The following TNRC6C variants were observed in gnomAD, a reference collection of about 807,000 sequenced individuals.
The protein encoded by TNRC6C is trinucleotide repeat-containing gene 6C protein.
TNRC6C carries 20 observed loss-of-function variants against 153.7 expected under a neutral mutation model. The observed-to-expected ratio is 0.13, with a 90% CI of 0.09 to 0.19. The LOEUF is 0.19. TNRC6C is among the 10% of genes least tolerant of loss of function. The pLI is 1.00. For missense variants in TNRC6C, 1,987 were observed against 2,172.0 expected, an observed-to-expected ratio of 0.91 and a Z score of 1.69; for synonymous variants, 811 against 841.4, an observed-to-expected ratio of 0.96 and a Z score of 0.63.
rs1307214084 is a variant in TNRC6C at position 78,083,030 on chromosome 17, T to C, written c.3358-17T>C. On this transcript the variant is annotated splice_polypyrimidine_tract_variant and intron_variant, in intron 10 of 19. Coordinates refer to ENST00000301624, the Ensembl canonical transcript of TNRC6C. ...AACAGAGATACAACGGCTAATAGTATATTTTATGTTAAACAGGTTCAAGCA... is the reference window on the plus strand; with the variant it reads ...AACAGAGATACAACGGCTAATAGTACATTTTATGTTAAACAGGTTCAAGCA... 1.2e-6 allele frequency: 2 copies of C among 1,613,352 alleles called. No homozygotes were observed. Among genetic ancestry groups the C allele is most frequent in the Admixed American group, 3.3e-5 (2 of 59,998 alleles).
chr17:78,021,882 A>G, intron 1 of TNRC6C, among the ~76,000 whole-genome samples: 1 of 152,268 alleles, frequency 6.6e-6, no homozygotes. Context: ...TTTATTTATA[A>G]TTTTTTAATT....
rs1284681091 is a variant in TNRC6C at position 78,083,044 on chromosome 17, C to T, written c.3358-3C>T. 1.2e-6 allele frequency: 2 copies of T among 1,613,698 alleles called. No individual in the cohort carries two copies. Among genetic ancestry groups the T allele is most frequent in the East Asian group, 2.2e-5 (1 of 44,880 alleles). Reference sequence around the variant, plus strand: ...GGCTAATAGTATATTTTATGTTAAACAGGTTCAAGCACAGCTTTTGCAGTT... The same window carrying T: ...GGCTAATAGTATATTTTATGTTAAATAGGTTCAAGCACAGCTTTTGCAGTT... On this transcript the variant is annotated splice_polypyrimidine_tract_variant and splice_region_variant and intron_variant, in intron 10 of 19. Coordinates refer to ENST00000301624, the Ensembl canonical transcript of TNRC6C.
intron 1 of TNRC6C, 47 bp from the exon 4 acceptor site, chr17:78,031,469 G>A: frequency 8.2e-7 from 1 of 1,222,128 alleles, no homozygotes; most frequent in East Asian, 3.2e-5. Flanking sequence ...GGGTTTTAAA[G>A]GGGTCTAGCT....
exon 20 of TNRC6C, chr17:78,107,148 T>TC (rs2073713134): frequency 6.6e-6 from 1 of 152,238 alleles, no homozygotes; most frequent in Admixed American, 6.5e-5. Flanking sequence ...ACATACCACT[T>TC]CCCGTGCTGC....
chr17:78,004,052 G>A, upstream of TNRC6C: 1 of 1,207,768 alleles, frequency 8.3e-7, no homozygotes, highest in South Asian at 4.3e-5. Context: ...CTTCTCAGAG[G>A]GTCCTCCTGT....
chr17:78,039,040 T>G (rs2143823210), intron 2 of TNRC6C, among the ~76,000 whole-genome samples: 1 of 152,324 alleles, frequency 6.6e-6, no homozygotes, highest in African/African-American at 2.4e-5. Context: ...AGAGCACAGC[T>G]CTTTACTGAC....
chr17:78,044,943 C>T (rs1454453272), intron 2 of TNRC6C, among the ~76,000 whole-genome samples: 3 of 152,184 alleles, frequency 2.0e-5, no homozygotes, highest in Non-Finnish European at 4.4e-5. Context: ...AAAGAATAGA[C>T]ATTGAGCCCA....
At chr17:78,106,932 G>A (rs1226346121) in exon 20 of TNRC6C, 1 of 151,056 alleles carries the variant, frequency 6.6e-6, no homozygotes, top group Non-Finnish European at 1.5e-5. Context: ...ACAAAAGCTG[G>A]TTTTATAGAG....
At chr17:78,101,403 T>G (rs1412284490) in intron 17 of TNRC6C, among the ~76,000 whole-genome samples, 3 of 152,200 alleles carry the variant, frequency 2.0e-5, no homozygotes, top group Admixed American at 6.5e-5. Context: ...AGTTCCAAAC[T>G]TTCCCACATT....
At chr17:78,026,329 CCT>C (rs2071941311) in intron 1 of TNRC6C, among the ~76,000 whole-genome samples, 1 of 152,122 alleles carries the variant, frequency 6.6e-6, no homozygotes. Context: ...GTCAGAAGCA[CCT>C]AGACTGGCTT....
At chr17:78,073,240 G>C (rs937493796) in intron 7 of TNRC6C, 146 bp downstream of exon 9, 1 of 579,516 alleles carries the variant, frequency 1.7e-6, no homozygotes, top group Non-Finnish European at 2.9e-6. Context: ...CACACAACAA[G>C]CTGGAACCAC....
chr17:77,992,570 C>T (rs2071268361), intron 1 of TNRC6C, among the ~76,000 whole-genome samples: 1 of 152,002 alleles, frequency 6.6e-6, no homozygotes. Flanking sequence ...TTGCCTTGGC[C>T]CCCCAGATAA....
At chr17:78,103,504 C>T (rs376787878) in exon 19 of TNRC6C, 3 of 1,613,972 alleles carry the variant, frequency 1.9e-6, no homozygotes, top group African/African-American at 1.3e-5. Context: ...TGCTGTGGTC[C>T]GGTACAGCTC....
In TNRC6C at chr17:78,075,547, G is replaced by T. The variant is rs1460835399; in HGVS notation, c.3060+269G>T. Among the ~76,000 whole-genome samples, 1 of 152,164 alleles carries T rather than the reference G, an allele frequency of 6.6e-6. No homozygotes were observed. Among genetic ancestry groups the T allele is most frequent in the Non-Finnish European group, 1.5e-5 (1 of 68,024 alleles). On this transcript the variant is annotated intron_variant, in intron 8 of 19. Coordinates refer to ENST00000301624, the Ensembl canonical transcript of TNRC6C. This position sits in a 1 kb window ranked among gnomAD's most constrained non-coding sequence, Gnocchi z 4.2. ...CTTGGCTGGTTATCTGCTTCAATTT[G>T]TCCAATGGGCAAGGGTCATCAAATT...
chr17:77,993,477 C>T (rs923212360), intron 1 of TNRC6C, among the ~76,000 whole-genome samples: 5 of 152,244 alleles, frequency 3.3e-5, no homozygotes, highest in East Asian at 1.9e-4. Context: ...ACAGAAACAA[C>T]GAGCTATAAC....
chr17:77,976,912 A>G (rs1312227500), intron 1 of TNRC6C, among the ~76,000 whole-genome samples: 1 of 141,498 alleles, frequency 7.1e-6, no homozygotes. Context: ...TCAGGCGACA[A>G]GAGCAAGACT....
At chr17:78,065,998 A>G (rs1319347967) in intron 4 of TNRC6C, among the ~76,000 whole-genome samples, 2 of 152,170 alleles carry the variant, frequency 1.3e-5, no homozygotes, top group Non-Finnish European at 2.9e-5. Flanking sequence ...TGGGAGGCCA[A>G]GGTGGGTGGA....
At chr17:78,060,063 T>C (rs9916037) in intron 3 of TNRC6C, among the ~76,000 whole-genome samples, 19,016 of 152,012 alleles carry the variant, frequency 0.13, 1,318 homozygotes, top group African/African-American at 0.18. Flanking sequence ...CCGTGGTCAG[T>C]TTCTAGAAGG....
intron 1 of TNRC6C, among the ~76,000 whole-genome samples, chr17:77,994,876 T>C (rs568873253): frequency 1.3e-5 from 2 of 152,370 alleles, no homozygotes; most frequent in Admixed American, 6.5e-5. Flanking sequence ...TTTTATACTT[T>C]GATGTAATGT....
Sources: gnomAD v4.1 joint callset for allele counts (sites outside exome capture counted in the v4.1 genomes callset) on GRCh38, gnomAD v4.1.1 for gene constraint, Gnocchi (gnomAD v3.1) non-coding constraint, MANE v1.5 for transcripts, NCBI Gene and HGNC (gene_info 2026-07-23, HGNC 2026-07-21) for gene names.